KIAA1549L: variants seen among roughly 807,000 people sequenced by gnomAD.
KIAA1549L encodes the protein UPF0606 protein KIAA1549L.
In KIAA1549L, 88 loss-of-function variants were observed where a neutral mutation model predicts 160.7. That is an observed-to-expected ratio of 0.55 (90% CI 0.46 to 0.65). KIAA1549L has a LOEUF of 0.65. Among genes scored for constraint, KIAA1549L ranks in the 30% least tolerant of loss-of-function variants. The pLI is 0.00. For synonymous variants in KIAA1549L, 950 were observed against 976.7 expected (o/e 0.97, Z 0.51); for missense variants, 2,258 against 2,437.5 (o/e 0.93, Z 1.55).
rs186614958 is a variant in KIAA1549L at position 33,665,734 on chromosome 11, T to A, written c.6160-2139T>A. On this transcript the variant is annotated intron_variant, in intron 20 of 20. Coordinates refer to ENST00000658780, the MANE Select transcript of KIAA1549L (RefSeq NM_012194.3). ...ACCCGCCCTCTTCCACCCAGGAGTC[T>A]GTCTGTCCGCCCCACCCCTTGCCAT... Among the ~76,000 whole-genome samples the A allele has an allele frequency of 2.2e-3, 334 of 152,188 alleles. 8 individuals are homozygous for A. The highest frequency in any genetic ancestry group is 6.8e-3 in the South Asian group (33 of 4,818).
chr11:33,523,977 C>T (rs1853556147), intron 1 of KIAA1549L, among the ~76,000 whole-genome samples: 1 of 151,956 alleles, frequency 6.6e-6, no homozygotes, highest in African/African-American at 2.4e-5. Flanking sequence ...GATTTTGGTA[C>T]TAACTCAGTA....
intron 1 of KIAA1549L, among the ~76,000 whole-genome samples, chr11:33,469,410 GTTTA>G (rs142973424): frequency 0.019 from 2,818 of 152,058 alleles, 72 homozygotes; most frequent in African/African-American, 0.061. Context: ...GTGTCATCTT[GTTTA>G]TTCATCAGGT....
chr11:33,559,991 GCCACATACTA>G (rs3830851), intron 7 of KIAA1549L, 80 bp downstream of exon 7: 483,498 of 1,259,190 alleles, frequency 0.38, 94,936 homozygotes, highest in African/African-American at 0.55. Flanking sequence ...ATAGTGCCAG[GCCACATACTA>G]CCACCTTTAT....
rs547128961 is a variant in KIAA1549L at position 33,574,689 on chromosome 11, CTT to C, written c.4231-9_4231-8del. The C allele has an allele frequency of 5.3e-3, 8,472 of 1,604,106 alleles. 26 individuals are homozygous for C. The highest frequency in any genetic ancestry group is 6.3e-3 in the Non-Finnish European group (7,381 of 1,173,016). ...AATGCCCTGCAAACACTCGGCCTCT[CTT>C]TTTCCGAAAGATGGTGAAGATGCAG... is the stretch of plus-strand genomic sequence containing the variant. On this transcript the variant is annotated splice_polypyrimidine_tract_variant and intron_variant, in intron 9 of 20. Transcript: ENST00000658780.
At chr11:33,445,589 A>C (rs1851594305) in intron 1 of KIAA1549L, among the ~76,000 whole-genome samples, 1 of 152,200 alleles carries the variant, frequency 6.6e-6, no homozygotes. Flanking sequence ...AGCTTATTGA[A>C]AAATAATTTT....
chr11:33,498,889 A>C (rs927363), intron 1 of KIAA1549L, among the ~76,000 whole-genome samples: 108,257 of 151,994 alleles, frequency 0.71, 39,074 homozygotes, highest in African/African-American at 0.84. Flanking sequence ...TGGTCCCTAG[A>C]TTTCTTCTTA....
intron 1 of KIAA1549L, among the ~76,000 whole-genome samples, chr11:33,471,941 T>A (rs1590270055): frequency 1.3e-5 from 2 of 152,194 alleles, no homozygotes; most frequent in Non-Finnish European, 2.9e-5. Flanking sequence ...TAGAAGGTTT[T>A]ATTCTCTGAG....
intron 1 of KIAA1549L, among the ~76,000 whole-genome samples, chr11:33,428,082 G>A (rs77819942): frequency 1.3e-5 from 2 of 152,314 alleles, no homozygotes; most frequent in Non-Finnish European, 1.5e-5. Flanking sequence ...AAATATGAAT[G>A]TACAAGTTTT....
intron 1 of KIAA1549L, among the ~76,000 whole-genome samples, chr11:33,530,423 AAAAAAAAAAAAAAATATATATATATAT>A (rs1483153687): frequency 6.1e-4 from 9 of 14,838 alleles, no homozygotes; most frequent in East Asian, 3.7e-3. Context: ...GGAAAAAAAA[AAAAAAAAAAAAAAATATATATATATAT>A]ATATATATAT....
At chr11:33,500,778 T>C (rs1852928491) in intron 1 of KIAA1549L, among the ~76,000 whole-genome samples, 1 of 152,138 alleles carries the variant, frequency 6.6e-6, no homozygotes, top group African/African-American at 2.4e-5. Flanking sequence ...CCCCAAAATA[T>C]ATACAAATGT....
chr11:33,461,157 T>G (rs779189144), intron 1 of KIAA1549L, among the ~76,000 whole-genome samples: 3 of 151,934 alleles, frequency 2.0e-5, no homozygotes, highest in Non-Finnish European at 4.4e-5. Flanking sequence ...GACTTCTTTT[T>G]TTTTCTTTGT....
At chr11:33,417,406 T>C (rs537100584) in intron 1 of KIAA1549L, among the ~76,000 whole-genome samples, 16 of 152,322 alleles carry the variant, frequency 1.1e-4, no homozygotes, top group African/African-American at 3.9e-4. Flanking sequence ...TTCTGTTTTA[T>C]TCTGTTCTAT....
At chr11:33,422,521 T>TCCCTTCCCC (rs1807160627) in intron 1 of KIAA1549L, among the ~76,000 whole-genome samples, 1 of 21,446 alleles carries the variant, frequency 4.7e-5, no homozygotes, top group Non-Finnish European at 9.8e-5. Context: ...CTCCCTCCCC[T>TCCCTTCCCC]CCCTTCCCCC....
intron 1 of KIAA1549L, among the ~76,000 whole-genome samples, chr11:33,437,853 T>C (rs1851411995): frequency 3.3e-5 from 5 of 152,188 alleles, no homozygotes; most frequent in Admixed American, 3.3e-4. Flanking sequence ...TAGATGTGGA[T>C]GGAGAAGCAC....
At chr11:33,422,343 A>G (rs1047707068) in intron 1 of KIAA1549L, among the ~76,000 whole-genome samples, 1 of 152,048 alleles carries the variant, frequency 6.6e-6, no homozygotes, top group Non-Finnish European at 1.5e-5. Flanking sequence ...TTTCTAGGGC[A>G]TGTCTTGTAC....
At chr11:33,426,731 T>C (rs1220731635) in intron 1 of KIAA1549L, among the ~76,000 whole-genome samples, 2 of 152,222 alleles carry the variant, frequency 1.3e-5, no homozygotes, top group Admixed American at 6.5e-5. Flanking sequence ...CTCAGAGAGA[T>C]TCATTTGCCC....
chr11:33,387,340 C>A (rs1276657858), intron 1 of KIAA1549L, among the ~76,000 whole-genome samples: 1 of 151,868 alleles, frequency 6.6e-6, no homozygotes, highest in African/African-American at 2.4e-5. Flanking sequence ...GAGTCTGATT[C>A]TGTTGTCCAG....
intron 1 of KIAA1549L, among the ~76,000 whole-genome samples, chr11:33,527,060 A>T (rs1221754010): frequency 6.6e-6 from 1 of 152,228 alleles, no homozygotes; most frequent in Non-Finnish European, 1.5e-5. Flanking sequence ...AAAGAACTTC[A>T]GAGGATGAAG....
chr11:33,609,344 G>A (rs972675583), intron 14 of KIAA1549L, among the ~76,000 whole-genome samples: 5 of 152,256 alleles, frequency 3.3e-5, no homozygotes, highest in African/African-American at 1.2e-4. Flanking sequence ...GAAGGGCAGC[G>A]AAGGCCACTG....
Sources: gnomAD v4.1 joint callset for allele counts (sites outside exome capture counted in the v4.1 genomes callset) on GRCh38, gnomAD v4.1.1 for gene constraint, MANE v1.5 for transcripts, NCBI Gene and HGNC (gene_info 2026-07-23, HGNC 2026-07-21) for gene names.